The following NEO1 variants were observed in gnomAD, a reference collection of about 807,000 sequenced individuals.
NEO1 encodes neogenin 1, also known as neogenin.
A neutral mutation model predicts 159.7 loss-of-function variants in NEO1; 63 were observed. That is an observed-to-expected ratio of 0.39 (90% confidence interval 0.32 to 0.49). The LOEUF (loss-of-function observed/expected upper bound fraction) is 0.49. Among genes scored for constraint, NEO1 ranks in the 20% least tolerant of loss-of-function variants. The pLI is 0.85. For synonymous variants in NEO1, 633 were observed against 662.0 expected (o/e 0.96, Z 0.67); for missense variants, 1,615 against 1,831.0 (o/e 0.88, Z 2.15).
At chr15:73,243,027 TC>T (rs2039572273) in intron 8 of NEO1, among the ~76,000 whole-genome samples, 1 of 152,166 alleles carries the variant, frequency 6.6e-6, no homozygotes, top group African/African-American at 2.4e-5. Context: ...AATCAGTTGA[TC>T]CTTCCTTATA....
chr15:73,252,529 T>C (rs1202005245), intron 11 of NEO1, among the ~76,000 whole-genome samples: 1 of 152,218 alleles, frequency 6.6e-6, no homozygotes, highest in Non-Finnish European at 1.5e-5. Context: ...ATATCTTTGC[T>C]GTACTTGGGA....
intron 9 of NEO1, among the ~76,000 whole-genome samples, chr15:73,247,172 A>G (rs1016948303): frequency 1.3e-5 from 2 of 152,166 alleles, no homozygotes; most frequent in African/African-American, 4.8e-5. Context: ...GGCAAAAGAG[A>G]AGCAGTTTCT....
chr15:73,196,261 A>G (rs1188573835), intron 7 of NEO1, among the ~76,000 whole-genome samples: 2 of 152,218 alleles, frequency 1.3e-5, no homozygotes, highest in Non-Finnish European at 2.9e-5. Flanking sequence ...AAATTAAAAC[A>G]TCTCTCTTGC....
rs756817434 is a variant in NEO1, at chr15:73,126,428, A to C, written c.736A>C (p.Ile246Leu). The change falls in exon 4 of 29, where the codon ATA becomes CTA. Residue 246 changes from isoleucine to leucine, a missense_variant. This residue lies in a region of NEO1 where 1,018 missense variants were observed against 1,115.4 expected (regional missense o/e 0.91). Coordinates refer to ENST00000261908, the MANE Select transcript of NEO1 (RefSeq NM_002499.4). ...ELKVLPDPEV[I>L]SDLVFLKQPS... The stretch of plus-strand genomic sequence containing the variant: ...TTTTTTTTTTTTAGATCCTGAGGTG[A>C]TATCAGACTTGGTATTTTTGAAACA... The C allele has an allele frequency of 1.3e-6, 2 of 1,591,406 alleles. No individual in the cohort carries two copies.
At chr15:73,087,710 TC>T (rs1466880811) in intron 1 of NEO1, among the ~76,000 whole-genome samples, 9 of 152,212 alleles carry the variant, frequency 5.9e-5, no homozygotes, top group Non-Finnish European at 4.4e-5. Context: ...GAATATCATG[TC>T]TCACAATTCA....
chr15:73,272,625 G>A, intron 19 of NEO1, 63 bp downstream of exon 19: 3 of 1,177,556 alleles, frequency 2.5e-6, no homozygotes, highest in Non-Finnish European at 3.8e-6. Context: ...AGTATTCCAG[G>A]AGAGTACCAT....
chr15:73,275,130 A>G (rs1383205851), intron 21 of NEO1, among the ~76,000 whole-genome samples: 1 of 152,126 alleles, frequency 6.6e-6, no homozygotes, highest in African/African-American at 2.4e-5. Flanking sequence ...TAGCATCTAG[A>G]ATTTTATTAG....
chr15:73,287,370 A>G (rs1343736701), intron 23 of NEO1, among the ~76,000 whole-genome samples: 1 of 152,220 alleles, frequency 6.6e-6, no homozygotes, highest in Non-Finnish European at 1.5e-5. Context: ...TAAGCTCAGA[A>G]CATTTTAAAA....
At chr15:73,223,250 A>G (rs1038628891) in intron 7 of NEO1, among the ~76,000 whole-genome samples, 4 of 152,112 alleles carry the variant, frequency 2.6e-5, no homozygotes, top group Admixed American at 2.6e-4. Flanking sequence ...TAGAATGTGT[A>G]TTCTGTGGTT....
At chr15:73,195,503 A>G (rs1388336849) in intron 7 of NEO1, among the ~76,000 whole-genome samples, 1 of 152,210 alleles carries the variant, frequency 6.6e-6, no homozygotes, top group Non-Finnish European at 1.5e-5. Context: ...AATAAAAAGT[A>G]TAATATAATT....
In NEO1 at chr15:73,253,526, T is replaced by G. The variant is rs116106915; in HGVS notation, c.1944+77T>G. 541 of 979,544 alleles carry G rather than the reference T, an allele frequency of 5.5e-4. 3 individuals carry two copies. In the African/African-American group the frequency reaches 7.0e-3, roughly 13 times the overall value. 60.7% of individuals were successfully genotyped at this position (979,544 alleles called of 1,614,324 possible). A position where few individuals can be genotyped will look rare whatever the true frequency, so the allele number is the denominator to read the frequency against. Reference sequence around the variant, plus strand: ...CAGAGGGGCTTATAGAAAGGGAGATTCTGTAGGAAAGCATCAAAATAAATG... The same window carrying G: ...CAGAGGGGCTTATAGAAAGGGAGATGCTGTAGGAAAGCATCAAAATAAATG... On this transcript the variant is annotated intron_variant, in intron 12 of 28. Transcript: ENST00000261908.
chr15:73,244,981 A>AAAAAAAAAAAAAAAAAG (rs1426485832), intron 9 of NEO1, among the ~76,000 whole-genome samples: 1 of 148,112 alleles, frequency 6.8e-6, no homozygotes, highest in Non-Finnish European at 1.5e-5. Context: ...AAAAAAAAAA[A>AAAAAAAAAAAAAAAAAG]AACAACAGCA....
intron 1 of NEO1, among the ~76,000 whole-genome samples, chr15:73,090,509 A>G (rs2069629001): frequency 2.0e-5 from 3 of 152,246 alleles, no homozygotes; most frequent in South Asian, 2.1e-4. Context: ...ATGAATAGGC[A>G]TATATTGAAT....
intron 7 of NEO1, among the ~76,000 whole-genome samples, chr15:73,228,674 A>G (rs1177654183): frequency 6.6e-6 from 1 of 151,864 alleles, no homozygotes; most frequent in African/African-American, 2.4e-5. Flanking sequence ...GTTTGATGTA[A>G]CGTATAAAAA....
chr15:73,147,947 G>A (rs2033058607), intron 5 of NEO1, among the ~76,000 whole-genome samples: 2 of 151,886 alleles, frequency 1.3e-5, no homozygotes, highest in African/African-American at 4.8e-5. Context: ...CTGAGTAGCT[G>A]GGATTACAGG....
chr15:73,256,158 C>T (rs955250307), intron 13 of NEO1: 1 of 152,144 alleles, frequency 6.6e-6, no homozygotes, highest in Admixed American at 6.6e-5. Context: ...TTTCCTGTGA[C>T]CCCAGGGACA....
intron 1 of NEO1, among the ~76,000 whole-genome samples, chr15:73,057,032 G>T (rs1237233130): frequency 1.3e-5 from 2 of 152,116 alleles, no homozygotes; most frequent in African/African-American, 4.8e-5. Context: ...AGAGGATATG[G>T]GGTATGACTT....
chr15:73,122,258 A>G (rs2071710542), intron 2 of NEO1, among the ~76,000 whole-genome samples: 1 of 151,756 alleles, frequency 6.6e-6, no homozygotes, highest in African/African-American at 2.4e-5. Flanking sequence ...ATTCTAGACC[A>G]GTACCATAGG....
chr15:73,098,204 TA>T (rs2070192764), intron 1 of NEO1, among the ~76,000 whole-genome samples: 1 of 152,148 alleles, frequency 6.6e-6, no homozygotes, highest in Non-Finnish European at 1.5e-5. Flanking sequence ...TCCTACTATG[TA>T]TAGTTTGGTT....
Sources: allele counts gnomAD v4.1 joint callset (sites outside exome capture counted in the v4.1 genomes callset), GRCh38; gene constraint gnomAD v4.1.1; regional missense constraint gnomAD v4.1.1; transcripts MANE v1.5; gene names NCBI Gene and HGNC (gene_info 2026-07-23, HGNC 2026-07-21).